PDZD2: variants seen among roughly 807,000 people sequenced by gnomAD.
PDZD2 encodes PDZ domain-containing protein 2.
PDZD2 carries 90 observed loss-of-function variants against 220.7 expected under a neutral mutation model. That is an observed-to-expected ratio of 0.41 (90% confidence interval 0.34 to 0.49). The LOEUF (loss-of-function observed/expected upper bound fraction) is 0.49, where lower values mean the gene tolerates loss of function less well. Ranked by LOEUF, PDZD2 falls within the 20% of genes least tolerant of loss-of-function variation. PDZD2 has a pLI of 0.28. For synonymous variants in PDZD2, 1,375 were observed against 1,450.5 expected, an observed-to-expected ratio of 0.95 and a Z score of 1.18; for missense variants, 3,174 against 3,608.5, an observed-to-expected ratio of 0.88 and a Z score of 3.08.
chr5:31,914,535 G>GA (rs1199225960), intron 2 of PDZD2, among the ~76,000 whole-genome samples: 5 of 151,574 alleles, frequency 3.3e-5, no homozygotes, highest in East Asian at 3.9e-4. Flanking sequence ...CTCAAAAACA[G>GA]AAAAAAAAGA....
intron 2 of PDZD2, among the ~76,000 whole-genome samples, chr5:31,915,315 G>A (rs1743585961): frequency 6.6e-6 from 1 of 152,108 alleles, no homozygotes; most frequent in Admixed American, 6.5e-5. Flanking sequence ...CAGCCTCGTG[G>A]CCCCCAGATT....
intron 1 of PDZD2, among the ~76,000 whole-genome samples, chr5:31,796,046 G>A (rs988130814): frequency 1.3e-5 from 2 of 152,128 alleles, no homozygotes; most frequent in Non-Finnish European, 2.9e-5. Context: ...TTGCTATCCT[G>A]TGGCCCCACC....
intron 2 of PDZD2, among the ~76,000 whole-genome samples, chr5:31,811,950 A>G (rs1755138388): frequency 6.6e-6 from 1 of 152,046 alleles, no homozygotes; most frequent in Admixed American, 6.6e-5. Flanking sequence ...AGATCGTGCC[A>G]CTGCACTCCA....
intron 2 of PDZD2, among the ~76,000 whole-genome samples, chr5:31,929,467 T>A (rs1745062100): frequency 6.6e-6 from 1 of 152,224 alleles, no homozygotes; most frequent in Non-Finnish European, 1.5e-5. Flanking sequence ...GTTTAAAATA[T>A]CTGCGGACAG....
At chr5:31,831,830 C>T (rs1414582360) in intron 2 of PDZD2, among the ~76,000 whole-genome samples, 2 of 141,142 alleles carry the variant, frequency 1.4e-5, no homozygotes, top group Non-Finnish European at 3.0e-5. Context: ...AGGAGAATCA[C>T]TTGTACCTGG....
At chr5:31,746,912 A>G (rs1750636521) in intron 1 of PDZD2, among the ~76,000 whole-genome samples, 1 of 152,258 alleles carries the variant, frequency 6.6e-6, no homozygotes, top group Non-Finnish European at 1.5e-5. Flanking sequence ...GTGGTGGCTC[A>G]CGCCTGTAAT....
At chr5:31,658,315 G>A (rs1004263671) in intron 1 of PDZD2, among the ~76,000 whole-genome samples, 8 of 152,058 alleles carry the variant, frequency 5.3e-5, no homozygotes, top group Non-Finnish European at 8.8e-5. Context: ...CGGAAACTCC[G>A]TTCATCCTGT....
Position 32,089,205 on chromosome 5 carries a change from A to G in PDZD2, c.5757A>G (p.Ser1919=). ...CGGACCACAGGAAACCCTTGATCTC[A>G]CCCCAGACCTCCCACAAAACACTTT... ...GGTDHRKPLI[S]PQTSHKTLSK... is the part of the protein sequence containing the mutation. Residue 1919 remains serine (S), a synonymous_variant, in exon 20 of 25, where the codon TCA becomes TCG. Coordinates refer to ENST00000438447, the MANE Select transcript of PDZD2 (RefSeq NM_178140.4). 6.2e-7 allele frequency: 1 copy of G among 1,613,838 alleles called. No homozygotes were observed. Among genetic ancestry groups the G allele is most frequent in the Middle Eastern group, 1.6e-4 (1 of 6,062 alleles).
At chr5:31,723,981 G>C (rs1748959089) in intron 1 of PDZD2, among the ~76,000 whole-genome samples, 1 of 152,044 alleles carries the variant, frequency 6.6e-6, no homozygotes, top group Non-Finnish European at 1.5e-5. Flanking sequence ...TGAAGAGGCA[G>C]GAAATTTTGA....
intron 3 of PDZD2, among the ~76,000 whole-genome samples, chr5:31,989,589 A>AT (rs1439787565): frequency 6.6e-6 from 1 of 151,628 alleles, no homozygotes; most frequent in Non-Finnish European, 1.5e-5. Context: ...TGTCCAGCTA[A>AT]TTTTTTGTAT....
At chr5:32,056,420 C>T (rs1739085575) in intron 10 of PDZD2, among the ~76,000 whole-genome samples, 1 of 152,144 alleles carries the variant, frequency 6.6e-6, no homozygotes, top group Non-Finnish European at 1.5e-5. Flanking sequence ...CGTACAGAGT[C>T]CCTCTTCTCT....
chr5:31,677,901 A>G (rs1463402512), intron 1 of PDZD2, among the ~76,000 whole-genome samples: 4 of 150,646 alleles, frequency 2.7e-5, no homozygotes, highest in Middle Eastern at 6.9e-3. Flanking sequence ...GGAAGGGGGG[A>G]GGACCAAGGG....
chr5:31,810,465 CT>C (rs1755039453), intron 2 of PDZD2, among the ~76,000 whole-genome samples: 4 of 152,182 alleles, frequency 2.6e-5, no homozygotes, highest in Non-Finnish European at 5.9e-5. Flanking sequence ...CGGGGTTTCA[CT>C]GTGTTACCCA....
intron 2 of PDZD2, among the ~76,000 whole-genome samples, chr5:31,816,287 C>CAAAAAAAAAAAA (rs34233316): frequency 6.1e-5 from 6 of 99,132 alleles, no homozygotes; most frequent in Admixed American, 2.0e-4. Context: ...GACTCCATCT[C>CAAAAAAAAAAAA]AAAAAAAAAA....
rs978602804 is a variant in PDZD2, at chr5:32,020,769, C to G, written c.1407+10287C>G. 6.6e-5 allele frequency among the ~76,000 whole-genome samples: 10 copies of G among 151,756 alleles called. 1 individual carries two copies. The highest frequency in any genetic ancestry group is 1.7e-4 in the African/African-American group (7 of 41,288). On this transcript the variant is annotated intron_variant, in intron 6 of 24. Transcript: ENST00000438447. Reference sequence around the variant, plus strand: ...AAGCGATTCTCCTGCCTCAGCCTCCCAAGTAGCTGGGACTATAGGTGCACA... The same window carrying G: ...AAGCGATTCTCCTGCCTCAGCCTCCGAAGTAGCTGGGACTATAGGTGCACA...
intron 6 of PDZD2, among the ~76,000 whole-genome samples, chr5:32,023,839 C>A (rs1754411674): frequency 6.6e-6 from 1 of 152,212 alleles, no homozygotes; most frequent in South Asian, 2.1e-4. Flanking sequence ...CACAGTAAAC[C>A]TCTATCAGAA....
Position 31,850,441 on chromosome 5 carries a change from C to G in PDZD2, c.476+50717C>G, listed in dbSNP as rs1580891559. Among the ~76,000 whole-genome samples the G allele has an allele frequency of 4.0e-5, 6 of 151,546 alleles. No individual in the cohort carries two copies. In the South Asian group the frequency reaches 1.0e-3, roughly 26 times the overall value. On this transcript the variant is annotated intron_variant, in intron 2 of 24. Coordinates refer to ENST00000438447, the MANE Select transcript of PDZD2 (RefSeq NM_178140.4). Reference sequence around the variant, plus strand: ...TTTACTCCCACATATGATGGAATAACAGTGGAACGCTATAGTTCTAGAAGG... The same window carrying G: ...TTTACTCCCACATATGATGGAATAAGAGTGGAACGCTATAGTTCTAGAAGG...
intron 2 of PDZD2, among the ~76,000 whole-genome samples, chr5:31,943,952 C>T (rs1393326582): frequency 6.6e-6 from 1 of 152,170 alleles, no homozygotes; most frequent in African/African-American, 2.4e-5. Flanking sequence ...TTGTCACCAG[C>T]ACAAATGATA....
chr5:31,942,261 A>G (rs1746271323), intron 2 of PDZD2, among the ~76,000 whole-genome samples: 1 of 152,188 alleles, frequency 6.6e-6, no homozygotes, highest in South Asian at 2.1e-4. Flanking sequence ...GGTCAAGATG[A>G]TAATGCAACT....
Sources: gnomAD v4.1 joint callset for allele counts (sites outside exome capture counted in the v4.1 genomes callset) on GRCh38, gnomAD v4.1.1 for gene constraint, MANE v1.5 for transcripts, NCBI Gene and HGNC (gene_info 2026-07-23, HGNC 2026-07-21) for gene names.